The following LIMS1 variants were observed in gnomAD, a reference collection of about 807,000 sequenced individuals.
The protein encoded by LIMS1 is LIM zinc finger domain containing 1.
In LIMS1, 18 loss-of-function variants were observed where a neutral mutation model predicts 44.1. That is an observed-to-expected ratio of 0.41 (90% CI 0.28 to 0.61). The LOEUF (loss-of-function observed/expected upper bound fraction) is 0.61, where lower values mean the gene tolerates loss of function less well. Ranked by LOEUF, LIMS1 falls within the 20% of genes least tolerant of loss-of-function variation. The pLI is 0.32. For synonymous variants in LIMS1, 93 were observed against 149.1 expected, an observed-to-expected ratio of 0.62 and a Z score of 2.74; for missense variants, 201 against 422.0, an observed-to-expected ratio of 0.48 and a Z score of 4.59.
At chr2:108,611,854 T>TATACAC (rs771325535) in intron 1 of LIMS1, among the ~76,000 whole-genome samples, 52 of 125,246 alleles carry the variant, frequency 4.2e-4, no homozygotes, top group Non-Finnish European at 8.5e-4. Flanking sequence ...TATATATATA[T>TATACAC]ACACACATAT....
Position 108,683,957 on chromosome 2 carries a change from GA to G in LIMS1, c.976del (p.Arg326AspfsTer5). ...ATGAGAAATTTCCATTGGAGCTGAAGAAAAGACTTAAGAAACTAGCTGAGAC... is the reference window on the plus strand; with the variant it reads ...ATGAGAAATTTCCATTGGAGCTGAAGAAAGACTTAAGAAACTAGCTGAGAC... On this transcript the variant is annotated frameshift_variant, in exon 10 of 10. Transcript: ENST00000544547. LOFTEE classifies it high-confidence loss of function. The G allele has an allele frequency of 6.2e-7, 1 of 1,601,508 alleles. No homozygotes were observed. Among genetic ancestry groups the G allele is most frequent in the Non-Finnish European group, 8.5e-7 (1 of 1,173,350 alleles).
chr2:108,545,508 G>A (rs1233594407), intron 1 of LIMS1, among the ~76,000 whole-genome samples: 5 of 152,122 alleles, frequency 3.3e-5, no homozygotes, highest in African/African-American at 1.2e-4. Context: ...CAAAGTGCAG[G>A]GATTACAGGC....
chr2:108,610,499 C>G (rs1006808308), intron 1 of LIMS1, among the ~76,000 whole-genome samples: 2 of 152,012 alleles, frequency 1.3e-5, no homozygotes, highest in African/African-American at 4.8e-5. Flanking sequence ...GTCATTTCAT[C>G]CCAAAATACC....
chr2:108,553,657 A>G (rs1684831968), intron 1 of LIMS1, among the ~76,000 whole-genome samples: 1 of 152,208 alleles, frequency 6.6e-6, no homozygotes, highest in African/African-American at 2.4e-5. Context: ...ATAAACTACT[A>G]AGGAACAGGA....
At chr2:108,623,838 C>CTT (rs1688405490) in intron 1 of LIMS1, among the ~76,000 whole-genome samples, 1 of 152,206 alleles carries the variant, frequency 6.6e-6, no homozygotes, top group Admixed American at 6.5e-5. Context: ...TGGCCATGGC[C>CTT]ACTGCCAGAA....
At chr2:108,631,514 A>G (rs189913547) in intron 1 of LIMS1, among the ~76,000 whole-genome samples, 29 of 151,302 alleles carry the variant, frequency 1.9e-4, no homozygotes, top group Admixed American at 1.8e-3. Context: ...GTGGAACAAA[A>G]GGGACTCTGT....
chr2:108,668,421 T>C (rs1691940340), intron 2 of LIMS1, among the ~76,000 whole-genome samples: 1 of 152,194 alleles, frequency 6.6e-6, no homozygotes, highest in Admixed American at 6.5e-5. Flanking sequence ...TCTATTTCTA[T>C]GAAATCAACC....
At chr2:108,548,681 CT>C (rs569891471) in intron 1 of LIMS1, among the ~76,000 whole-genome samples, 44 of 152,312 alleles carry the variant, frequency 2.9e-4, no homozygotes, top group African/African-American at 9.6e-4. Context: ...ACCAGCCCCC[CT>C]GGCAAAGGGT....
At chr2:108,598,576 G>A (rs535183463) in intron 1 of LIMS1, among the ~76,000 whole-genome samples, 1 of 152,316 alleles carries the variant, frequency 6.6e-6, no homozygotes, top group Non-Finnish European at 1.5e-5. Flanking sequence ...TCTGGGGGGT[G>A]GTGGGTGGGG....
chr2:108,536,366 TG>T (rs1232431338), intron 1 of LIMS1, among the ~76,000 whole-genome samples: 1 of 152,260 alleles, frequency 6.6e-6, no homozygotes, highest in Non-Finnish European at 1.5e-5. Context: ...TTTTAATTTC[TG>T]TCTATGACTT....
At chr2:108,676,429 GAC>G (rs1443579505) in intron 6 of LIMS1, among the ~76,000 whole-genome samples, 175 bp from the exon 7 acceptor site, 1 of 152,178 alleles carries the variant, frequency 6.6e-6, no homozygotes, top group Non-Finnish European at 1.5e-5. Context: ...AACCTTCAAA[GAC>G]AGACACCTGA....
chr2:108,614,720 T>C (rs1283356586), intron 1 of LIMS1, among the ~76,000 whole-genome samples: 1 of 152,222 alleles, frequency 6.6e-6, no homozygotes, highest in African/African-American at 2.4e-5. Flanking sequence ...CAGCTTGTTA[T>C]GTGTGTTGTT....
chr2:108,576,056 A>G (rs1024540369), intron 1 of LIMS1, among the ~76,000 whole-genome samples: 16 of 152,246 alleles, frequency 1.1e-4, no homozygotes, highest in African/African-American at 3.9e-4. Flanking sequence ...AAGTAGTGAC[A>G]GAGACTTAGC....
intron 1 of LIMS1, among the ~76,000 whole-genome samples, chr2:108,633,215 C>A (rs1210782626): frequency 6.6e-6 from 1 of 152,146 alleles, no homozygotes; most frequent in Non-Finnish European, 1.5e-5. Flanking sequence ...TCTTTTAACA[C>A]AGAATTATTT....
intron 1 of LIMS1, chr2:108,607,194 T>C: frequency 6.4e-7 from 1 of 1,550,790 alleles, no homozygotes; most frequent in Non-Finnish European, 8.7e-7. Flanking sequence ...TCTATGAGCA[T>C]GGAGAGCTTA....
chr2:108,566,009 A>G (rs1685278407), intron 1 of LIMS1, among the ~76,000 whole-genome samples: 1 of 152,214 alleles, frequency 6.6e-6, no homozygotes, highest in Admixed American at 6.5e-5. Flanking sequence ...GAGGGAACAC[A>G]AACATTCACA....
chr2:108,621,115 C>G (rs1205238777), intron 1 of LIMS1: 1 of 507,934 alleles, frequency 2.0e-6, no homozygotes, highest in African/African-American at 1.9e-5. Context: ...TTCTTGGTCA[C>G]CGCTTCCCCC....
intron 1 of LIMS1, among the ~76,000 whole-genome samples, chr2:108,590,987 TG>T (rs1365513963): frequency 6.6e-6 from 1 of 152,184 alleles, no homozygotes; most frequent in East Asian, 1.9e-4. Context: ...TCTACTGTGC[TG>T]GAATGTTTGA....
chr2:108,615,207 G>C (rs1687864795), intron 1 of LIMS1, among the ~76,000 whole-genome samples: 1 of 152,112 alleles, frequency 6.6e-6, no homozygotes, highest in South Asian at 2.1e-4. Flanking sequence ...TTTGTGGAAA[G>C]CTCTCATTTG....
Sources: gnomAD v4.1 joint callset for allele counts (sites outside exome capture counted in the v4.1 genomes callset) on GRCh38, gnomAD v4.1.1 for gene constraint, MANE v1.5 for transcripts, NCBI Gene and HGNC (gene_info 2026-07-23, HGNC 2026-07-21) for gene names.